Variants in CENPP observed in about 807,000 individuals in gnomAD.
CENPP encodes the protein centromere protein P.
Under a neutral mutation model 35.6 loss-of-function variants are expected in CENPP, and 24 were observed. The observed-to-expected ratio is 0.67, with a 90% CI of 0.49 to 0.95. The LOEUF is 0.95. CENPP is among the 40% of genes least tolerant of loss of function. CENPP has a pLI of 0.00. For missense variants in CENPP, 332 were observed against 345.3 expected (o/e 0.96, Z 0.31); for synonymous variants, 120 against 125.5 (o/e 0.96, Z 0.29).
In CENPP at chr9:92,614,631, TTTCC is replaced by T. The variant is rs755270502; in HGVS notation, c.*1485_*1488del. ...CAAAAATTTACAATCAGCAAAATAGTTTCCTTATTTCTCATGTATCATTTTCATA... is the reference window on the plus strand; with the variant it reads ...CAAAAATTTACAATCAGCAAAATAGTTTATTTCTCATGTATCATTTTCATA... On this transcript the variant is annotated 3_prime_UTR_variant, in exon 8 of 8. Coordinates refer to ENST00000375587, the MANE Select transcript of CENPP (RefSeq NM_001012267.3). 1 of 152,656 alleles carries T rather than the reference TTTCC, an allele frequency of 6.6e-6. No homozygotes were observed. The highest frequency in any genetic ancestry group is 2.4e-5 in the African/African-American group (1 of 41,462). 9.5% of individuals were successfully genotyped at this position (152,656 alleles called of 1,614,324 possible). A position where few individuals can be genotyped will look rare whatever the true frequency, so the allele number is the denominator to read the frequency against.
chr9:92,537,028 C>G (rs924567057), intron 5 of CENPP, among the ~76,000 whole-genome samples: 5 of 151,710 alleles, frequency 3.3e-5, no homozygotes, highest in Admixed American at 1.3e-4. Flanking sequence ...TGCCACCATG[C>G]CAGATTAATT....
Position 92,616,776 on chromosome 9 carries a change from T to A in CENPP, c.*3627T>A, listed in dbSNP as rs1851450934. 6.6e-6 allele frequency: 1 copy of A among 152,360 alleles called. No homozygotes were observed. Among genetic ancestry groups the A allele is most frequent in the South Asian group, 2.1e-4 (1 of 4,834 alleles). The allele number at this position is 152,360 out of a possible 1,614,324, so 9.4% of individuals were successfully genotyped here. A position where few individuals can be genotyped will look rare whatever the true frequency, so the allele number is the denominator to read the frequency against. ...ACTCCGAGTCCTGAGCTCTGACTGC[T>A]GTGTGTCCCGCTTTTCGTCTCCGGG... On this transcript the variant is annotated 3_prime_UTR_variant, in exon 8 of 8. Transcript: ENST00000375587.
At chr9:92,435,178 A>G (rs537861710) in intron 5 of CENPP, among the ~76,000 whole-genome samples, 34 of 152,316 alleles carry the variant, frequency 2.2e-4, no homozygotes, top group Admixed American at 5.9e-4. Flanking sequence ...TTCAAGATTC[A>G]GATGTTTGTC....
chr9:92,396,505 GTCT>G (rs927081543), intron 5 of CENPP, among the ~76,000 whole-genome samples: 1 of 151,800 alleles, frequency 6.6e-6, no homozygotes, highest in Non-Finnish European at 1.5e-5. Context: ...TTATATATAG[GTCT>G]TCTTTATTTT....
intron 4 of CENPP, among the ~76,000 whole-genome samples, chr9:92,367,608 C>G (rs1841918288): frequency 6.6e-6 from 1 of 152,032 alleles, no homozygotes; most frequent in Admixed American, 6.6e-5. Context: ...TATACAGTAA[C>G]ATTTTATTTT....
chr9:92,594,879 A>AGAG (rs1850740140), intron 5 of CENPP, among the ~76,000 whole-genome samples: 1 of 149,038 alleles, frequency 6.7e-6, no homozygotes, highest in African/African-American at 2.5e-5. Context: ...CCTGGATGTG[A>AGAG]GAGGTTGCTC....
At chr9:92,401,058 A>ATG in intron 5 of CENPP, 1 of 984,558 alleles carries the variant, frequency 1.0e-6, no homozygotes, top group Non-Finnish European at 1.6e-6. Flanking sequence ...TATTTTTAAA[A>ATG]GATCCATTTG....
intron 5 of CENPP, chr9:92,393,033 G>A (rs1842751401): frequency 1.4e-6 from 2 of 1,443,674 alleles, no homozygotes; most frequent in Non-Finnish European, 1.9e-6. Context: ...GTGTTTATAT[G>A]AGTTAAATAC....
chr9:92,334,518 T>C (rs1365772535), intron 2 of CENPP, among the ~76,000 whole-genome samples: 4 of 152,190 alleles, frequency 2.6e-5, no homozygotes, highest in Non-Finnish European at 4.4e-5. Flanking sequence ...TATGGATGGT[T>C]TTGAAGGACT....
Position 92,451,221 on chromosome 9 carries a change from T to A in CENPP, c.564+71362T>A, listed in dbSNP as rs1184248517. On this transcript the variant is annotated intron_variant, in intron 5 of 7. Coordinates refer to ENST00000375587, the MANE Select transcript of CENPP (RefSeq NM_001012267.3). Reference sequence around the variant, plus strand: ...CCTAGGTTTTCTTCTAGGGTTTTTATGGTTTTAGGTCTAACGTTTAAGTCT... The same window carrying A: ...CCTAGGTTTTCTTCTAGGGTTTTTAAGGTTTTAGGTCTAACGTTTAAGTCT... 9.3e-5 allele frequency among the ~76,000 whole-genome samples: 14 copies of A among 150,390 alleles called. No individual in the cohort carries two copies. The South Asian group carries it at 2.7e-3, about 29-fold the overall frequency.
At chr9:92,401,939 C>T (rs534030580) in intron 5 of CENPP, among the ~76,000 whole-genome samples, 2 of 152,298 alleles carry the variant, frequency 1.3e-5, no homozygotes, top group African/African-American at 4.8e-5. Context: ...CCTTCACCTT[C>T]ATTCTCCCAT....
chr9:92,607,423 A>G (rs556593050), intron 5 of CENPP, among the ~76,000 whole-genome samples: 11 of 152,150 alleles, frequency 7.2e-5, no homozygotes, highest in Non-Finnish European at 7.4e-5. Flanking sequence ...GTGGGTGTTA[A>G]GGGGACTAGG....
In CENPP at chr9:92,469,492, G is replaced by A. The variant is rs1212440414; in HGVS notation, c.564+89633G>A. Among the ~76,000 whole-genome samples, 3 of 152,204 alleles carry A rather than the reference G, an allele frequency of 2.0e-5. No individual in the cohort carries two copies. The East Asian group carries it at 5.8e-4, about 29-fold the overall frequency. Reference sequence around the variant, plus strand: ...CACTGCACTGACCCAGGGTGACAGGGAGGCATGGTGACCCCACATCTCTCA... The same window carrying A: ...CACTGCACTGACCCAGGGTGACAGGAAGGCATGGTGACCCCACATCTCTCA... On this transcript the variant is annotated intron_variant, in intron 5 of 7. Coordinates refer to ENST00000375587, the MANE Select transcript of CENPP (RefSeq NM_001012267.3).
intron 5 of CENPP, among the ~76,000 whole-genome samples, chr9:92,453,016 G>C (rs1165713189): frequency 6.6e-6 from 1 of 151,976 alleles, no homozygotes; most frequent in Non-Finnish European, 1.5e-5. Context: ...CTTGCTAGGG[G>C]TCTATCAATT....
At chr9:92,340,059 A>G (rs914585235) in intron 3 of CENPP, 2 of 153,646 alleles carry the variant, frequency 1.3e-5, no homozygotes, top group Non-Finnish European at 2.9e-5. Context: ...AAACATCTGC[A>G]CTCTAGTATA....
At chr9:92,612,041 G>A (rs563448659) in intron 6 of CENPP, among the ~76,000 whole-genome samples, 4 of 151,342 alleles carry the variant, frequency 2.6e-5, no homozygotes, top group South Asian at 2.1e-4. Context: ...TCCTCCCGGA[G>A]GGGATCATAC....
At chr9:92,459,683 G>A (rs763712969) in intron 5 of CENPP, 1 of 1,612,854 alleles carries the variant, frequency 6.2e-7, no homozygotes, top group Non-Finnish European at 8.5e-7. Context: ...TTAGTTTATT[G>A]TTTTCCAAAT....
chr9:92,595,835 T>G (rs1279319436), intron 5 of CENPP, among the ~76,000 whole-genome samples: 1 of 152,118 alleles, frequency 6.6e-6, no homozygotes, highest in African/African-American at 2.4e-5. Flanking sequence ...GGGCTGGGAT[T>G]GAAGGCATGA....
chr9:92,514,914 C>G (rs1045850991), intron 5 of CENPP: 1 of 1,613,800 alleles, frequency 6.2e-7, no homozygotes, highest in African/African-American at 1.3e-5. Flanking sequence ...CCAGCCTCCT[C>G]TCCTCTCCAG....
Sources: gnomAD v4.1 joint callset for allele counts (sites outside exome capture counted in the v4.1 genomes callset) on GRCh38, gnomAD v4.1.1 for gene constraint, MANE v1.5 for transcripts, NCBI Gene and HGNC (gene_info 2026-07-23, HGNC 2026-07-21) for gene names.